GLYAT: variants seen among roughly 807,000 people sequenced by gnomAD.
GLYAT encodes the protein glycine N-acyltransferase.
Under a neutral mutation model 22.8 loss-of-function variants are expected in GLYAT, and 25 were observed. That is an observed-to-expected ratio of 1.09 (90% CI 0.80 to 1.53). The LOEUF (loss-of-function observed/expected upper bound fraction) is 1.53. GLYAT is among the 40% of genes most tolerant of loss of function. The pLI, the probability that GLYAT is intolerant of heterozygous loss-of-function variation, is 0.00. For missense variants in GLYAT, 411 were observed against 353.9 expected (o/e 1.16, Z -1.29); for synonymous variants, 140 against 122.7 (o/e 1.14, Z -0.93).
chr11:58,713,388 G>C (rs1856640529), intron 3 of GLYAT, among the ~76,000 whole-genome samples: 1 of 152,058 alleles, frequency 6.6e-6, no homozygotes, highest in Non-Finnish European at 1.5e-5. Context: ...CATTTAGAAA[G>C]CATTCTTCTT....
intron 1 of GLYAT, 88 bp from the exon 2 acceptor site, chr11:58,724,599 GGT>G (rs1491234144): frequency 9.5e-6 from 4 of 420,414 alleles, no homozygotes; most frequent in Non-Finnish European, 1.1e-5. Flanking sequence ...TTAATGACCA[GGT>G]TTTTTTTTTT....
In GLYAT at chr11:58,717,407, A is replaced by G. The variant is rs182808231; in HGVS notation, c.82-1984T>C. 2.6e-5 allele frequency among the ~76,000 whole-genome samples: 4 copies of G among 152,244 alleles called. No homozygotes were observed. The East Asian group carries it at 7.7e-4, about 29-fold the overall frequency. ...TATAGGCCACATTATTCTAAAATCC[A>G]TACATTAATAGGCAGGTATGAAAGT... On this transcript the variant is annotated intron_variant, in intron 2 of 5. Coordinates refer to ENST00000344743, the MANE Select transcript of GLYAT (RefSeq NM_201648.3).
At chr11:58,711,292 C>G (rs1326900069) in intron 4 of GLYAT, among the ~76,000 whole-genome samples, 3 of 152,164 alleles carry the variant, frequency 2.0e-5, no homozygotes, top group African/African-American at 7.2e-5. Context: ...AGGCCCTGTT[C>G]CAGCCAATGG....
intron 1 of GLYAT, among the ~76,000 whole-genome samples, chr11:58,729,051 A>G (rs545190963): frequency 6.6e-6 from 1 of 152,224 alleles, no homozygotes; most frequent in East Asian, 1.9e-4. Flanking sequence ...AACTACCTTA[A>G]TACCTTAGCC....
chr11:58,715,179 G>T, intron 3 of GLYAT, 137 bp downstream of exon 3: 4 of 542,358 alleles, frequency 7.4e-6, no homozygotes, highest in Non-Finnish European at 1.3e-5. Context: ...TTCAGACTCC[G>T]AGCTTCTTGA....
At chr11:58,723,559 T>C (rs1856778208) in intron 2 of GLYAT, among the ~76,000 whole-genome samples, 1 of 152,092 alleles carries the variant, frequency 6.6e-6, no homozygotes, top group Admixed American at 6.6e-5. Flanking sequence ...TGAATGTATT[T>C]ACCTGAAATG....
At chr11:58,727,735 AG>A (rs1393360214) in intron 1 of GLYAT, among the ~76,000 whole-genome samples, 7 of 152,278 alleles carry the variant, frequency 4.6e-5, no homozygotes, top group African/African-American at 1.7e-4. Flanking sequence ...AGAGACAAAA[AG>A]GTGAAGTTTA....
chr11:58,728,959 A>AAAAG (rs982636158), intron 1 of GLYAT, among the ~76,000 whole-genome samples: 1 of 151,518 alleles, frequency 6.6e-6, no homozygotes, highest in Non-Finnish European at 1.5e-5. Flanking sequence ...AGAATAAAAG[A>AAAAG]AAAGAAAGGA....
At chr11:58,712,712 C>G (rs376149234) in intron 4 of GLYAT, 48 bp downstream of exon 4, 102 of 1,575,638 alleles carry the variant, frequency 6.5e-5, no homozygotes, top group Non-Finnish European at 8.8e-5. Flanking sequence ...TGAAAACTTG[C>G]TCAGGACACA....
At chr11:58,712,496 A>G (rs1231665647) in intron 4 of GLYAT, among the ~76,000 whole-genome samples, 1 of 152,148 alleles carries the variant, frequency 6.6e-6, no homozygotes, top group Admixed American at 6.5e-5. Flanking sequence ...CAATCACCCT[A>G]AAAGGTCTGG....
chr11:58,727,812 A>G (rs1856825097), intron 1 of GLYAT, among the ~76,000 whole-genome samples: 1 of 152,162 alleles, frequency 6.6e-6, no homozygotes, highest in Admixed American at 6.5e-5. Flanking sequence ...GAGCATGCAT[A>G]CAATTCCAGT....
chr11:58,726,851 A>G (rs535747320), intron 1 of GLYAT, among the ~76,000 whole-genome samples: 1 of 152,264 alleles, frequency 6.6e-6, no homozygotes, highest in Non-Finnish European at 1.5e-5. Flanking sequence ...ATATGCTTAC[A>G]AAAACAGCAA....
rs370726799 is a variant in GLYAT at position 58,728,512 on chromosome 11, C to T, written c.-16+3323G>A. Among the ~76,000 whole-genome samples the T allele has an allele frequency of 1.7e-3, 254 of 152,090 alleles. 1 individual carries two copies. Among genetic ancestry groups the T allele is most frequent in the African/African-American group, 5.7e-3 (238 of 41,494 alleles). On this transcript the variant is annotated intron_variant, in intron 1 of 5. Coordinates refer to ENST00000344743, the MANE Select transcript of GLYAT (RefSeq NM_201648.3). The stretch of plus-strand genomic sequence containing the variant: ...TCACTACCAGTAATATTGCTTCCAG[C>T]CAAGATAGGATAACAGAACTTGAAT...
At chr11:58,720,864 C>T (rs1048541906) in intron 2 of GLYAT, among the ~76,000 whole-genome samples, 4 of 151,870 alleles carry the variant, frequency 2.6e-5, no homozygotes, top group African/African-American at 9.7e-5. Flanking sequence ...AAAATGTATG[C>T]TGGTAATTCT....
rs768718220 is a variant in GLYAT at position 58,709,966 on chromosome 11, C to A, written c.691G>T (p.Ala231Ser). Reference protein sequence around the residue: ...LMDQTGEMRMAGTLPEYRLHG... With the variant: ...LMDQTGEMRMSGTLPEYRLHG... ...AGCCGGTATTCCGGCAAGGTGCCTG[C>A]CATTCTCATCTCTCCAGTCTGGTCC... Residue 231 changes from alanine to serine, a missense_variant, in exon 6 of 6, where the codon GCA becomes TCA. Physicochemically the swap from Ala to Ser is moderately conservative, Grantham distance 99. Coordinates refer to ENST00000344743, the MANE Select transcript of GLYAT (RefSeq NM_201648.3). The A allele has an allele frequency of 2.5e-6, 4 of 1,614,062 alleles. No individual in the cohort carries two copies. In the Admixed American group the frequency reaches 6.7e-5, roughly 27 times the overall value.
chr11:58,709,460 C>G lies in GLYAT; in HGVS notation c.*306G>C, dbSNP rs1856581216. On this transcript the variant is annotated 3_prime_UTR_variant, in exon 6 of 6. Coordinates refer to ENST00000344743, the MANE Select transcript of GLYAT (RefSeq NM_201648.3). ...GGCAAGGGTCTTGCAACTGAGGAAC[C>G]AGGGATTCCAGGAGAAGTAATTTGG... is the stretch of plus-strand genomic sequence containing the variant. 4.5e-6 allele frequency: 1 copy of G among 221,606 alleles called. No homozygotes were observed. Among genetic ancestry groups the G allele is most frequent in the African/African-American group, 2.3e-5 (1 of 44,038 alleles). The allele number at this position is 221,606 out of a possible 1,614,324, so 13.7% of individuals were successfully genotyped here. A position where few individuals can be genotyped will look rare whatever the true frequency, so the allele number is the denominator to read the frequency against.
chr11:58,721,600 T>C (rs758458500), intron 2 of GLYAT, among the ~76,000 whole-genome samples: 10 of 151,932 alleles, frequency 6.6e-5, no homozygotes, highest in African/African-American at 9.7e-5. Context: ...CACATACATC[T>C]TGGATGTTAG....
chr11:58,717,418 G>A (rs1017290004), intron 2 of GLYAT, among the ~76,000 whole-genome samples: 1 of 151,992 alleles, frequency 6.6e-6, no homozygotes, highest in African/African-American at 2.4e-5. Context: ...TACATTAATA[G>A]GCAGGTATGA....
intron 1 of GLYAT, among the ~76,000 whole-genome samples, chr11:58,729,162 T>A (rs997478470): frequency 5.9e-5 from 9 of 152,190 alleles, no homozygotes; most frequent in African/African-American, 2.2e-4. Flanking sequence ...TTCAACACAG[T>A]GTCTGCTTAG....
Sources: allele counts gnomAD v4.1 joint callset (sites outside exome capture counted in the v4.1 genomes callset), GRCh38; gene constraint gnomAD v4.1.1; transcripts MANE v1.5; gene names NCBI Gene and HGNC (gene_info 2026-07-23, HGNC 2026-07-21).